The following COG5 variants were observed in gnomAD, a reference collection of about 807,000 sequenced individuals.
COG5 encodes the protein conserved oligomeric Golgi complex subunit 5.
Under a neutral mutation model 110.4 loss-of-function variants are expected in COG5, and 86 were observed. That is an observed-to-expected ratio of 0.78 (90% CI 0.65 to 0.93). The LOEUF (loss-of-function observed/expected upper bound fraction) is 0.93. Ranked by LOEUF, COG5 falls within the 40% of genes least tolerant of loss-of-function variation. The pLI is 0.00. For synonymous variants in COG5, 360 were observed against 334.6 expected (o/e 1.08, Z -0.83); for missense variants, 1,077 against 987.0 (o/e 1.09, Z -1.22).
At chr7:107,381,832 A>G (rs1304468466) in intron 7 of COG5, among the ~76,000 whole-genome samples, 2 of 152,178 alleles carry the variant, frequency 1.3e-5, no homozygotes, top group African/African-American at 4.8e-5. Context: ...GAGTCAAGGA[A>G]ACTTATTTTA....
chr7:107,542,988 G>T (rs1247141066), intron 5 of COG5, among the ~76,000 whole-genome samples: 1 of 148,960 alleles, frequency 6.7e-6, no homozygotes, highest in Non-Finnish European at 1.5e-5. Context: ...AAAAAAAAAG[G>T]GAAAAGCAAT....
rs746295764 is a variant in COG5, at chr7:107,298,302, A to G, written c.1153T>C (p.Leu385=). ...KQAFEGEYPK[L]LRLYNDLWKR... is the part of the protein sequence containing the mutation. The stretch of plus-strand genomic sequence containing the variant: ...CATAAGTCATTATAAAGACGTAATA[A>G]TTTAGGGTATTCTCCTTCAAATGCC... Residue 385 remains leucine, a synonymous_variant, in exon 12 of 22, where the codon TTA becomes CTA. Coordinates refer to ENST00000297135, the MANE Select transcript of COG5 (RefSeq NM_006348.5). The G allele has an allele frequency of 3.8e-5, 62 of 1,613,740 alleles. 1 individual carries two copies. Among genetic ancestry groups the G allele is most frequent in the South Asian group, 2.2e-4 (20 of 91,074 alleles).
At chr7:107,248,375 A>T (rs1257794321) in intron 17 of COG5, 21 bp downstream of exon 17, 2 of 1,452,650 alleles carry the variant, frequency 1.4e-6, no homozygotes, top group East Asian at 2.3e-5. Context: ...AGTTAGTAAA[A>T]ATTTGGTTAG....
At chr7:107,218,541 G>A (rs533446731) in intron 19 of COG5, among the ~76,000 whole-genome samples, 280 of 152,110 alleles carry the variant, frequency 1.8e-3, no homozygotes, top group African/African-American at 6.1e-3. Context: ...GCCCATAAAT[G>A]AACCCACACA....
At chr7:107,341,853 T>C (rs535688261) in intron 10 of COG5, among the ~76,000 whole-genome samples, 1 of 152,320 alleles carries the variant, frequency 6.6e-6, no homozygotes, top group East Asian at 1.9e-4. Flanking sequence ...ACTGGATCCC[T>C]ACCTTTTATT....
intron 8 of COG5, among the ~76,000 whole-genome samples, chr7:107,363,300 A>G (rs1813291406): frequency 6.6e-6 from 1 of 152,198 alleles, no homozygotes; most frequent in South Asian, 2.1e-4. Context: ...GAGCAGTGAA[A>G]ATACAAGGTG....
chr7:107,338,669 C>T (rs927923071), intron 10 of COG5, among the ~76,000 whole-genome samples: 1 of 151,996 alleles, frequency 6.6e-6, no homozygotes, highest in African/African-American at 2.4e-5. Flanking sequence ...GAGGAAACAA[C>T]AGAGAGTAAA....
chr7:107,414,691 T>C (rs1284180741), intron 6 of COG5, among the ~76,000 whole-genome samples: 2 of 133,428 alleles, frequency 1.5e-5, no homozygotes, highest in East Asian at 2.5e-4. Context: ...GATTCCAAAA[T>C]CCTCACTGTC....
intron 7 of COG5, among the ~76,000 whole-genome samples, chr7:107,402,056 A>T (rs1791472012): frequency 6.6e-6 from 1 of 152,098 alleles, no homozygotes; most frequent in Non-Finnish European, 1.5e-5. Flanking sequence ...ATAATATCAA[A>T]ATTTCTTACT....
At chr7:107,217,101 C>A (rs1237681578) in intron 19 of COG5, among the ~76,000 whole-genome samples, 1 of 151,938 alleles carries the variant, frequency 6.6e-6, no homozygotes. Flanking sequence ...ATCATATGGC[C>A]ACAAATCCAG....
intron 21 of COG5, chr7:107,208,587 T>G: frequency 2.0e-6 from 2 of 985,412 alleles, no homozygotes; most frequent in Non-Finnish European, 2.4e-6. Context: ...ATCCCTGTGT[T>G]AGCCCAGGCC....
intron 21 of COG5, among the ~76,000 whole-genome samples, chr7:107,206,075 C>T (rs1245757644): frequency 6.6e-6 from 1 of 152,086 alleles, no homozygotes; most frequent in Non-Finnish European, 1.5e-5. Context: ...ATTCTCCTGC[C>T]TCAGCCTCCC....
At chr7:107,348,249 T>C (rs1408772645) in intron 10 of COG5, among the ~76,000 whole-genome samples, 1 of 151,982 alleles carries the variant, frequency 6.6e-6, no homozygotes, top group Non-Finnish European at 1.5e-5. Context: ...TCAATATATA[T>C]TCCTGAGCAT....
chr7:107,499,023 T>C (rs1173755078), intron 6 of COG5, among the ~76,000 whole-genome samples: 3 of 152,224 alleles, frequency 2.0e-5, no homozygotes, highest in Non-Finnish European at 1.5e-5. Flanking sequence ...ATGGATATTA[T>C]GCTTAGTAAA....
intron 3 of COG5, among the ~76,000 whole-genome samples, chr7:107,551,967 T>C (rs946497935): frequency 6.6e-6 from 1 of 152,144 alleles, no homozygotes; most frequent in African/African-American, 2.4e-5. Flanking sequence ...CCTGAGATAA[T>C]CATAGGAAAA....
At chr7:107,293,058 T>C (rs1435342065) in intron 12 of COG5, among the ~76,000 whole-genome samples, 1 of 152,124 alleles carries the variant, frequency 6.6e-6, no homozygotes, top group Non-Finnish European at 1.5e-5. Flanking sequence ...AGCCCAACCC[T>C]CAGTTTGGTC....
chr7:107,416,901 T>C (rs952054335), intron 6 of COG5, among the ~76,000 whole-genome samples: 33 of 152,268 alleles, frequency 2.2e-4, no homozygotes, highest in African/African-American at 7.9e-4. Flanking sequence ...ATTAAAGATA[T>C]TTTAGAAGTC....
At chr7:107,504,737 T>A (rs567802137) in intron 6 of COG5, among the ~76,000 whole-genome samples, 2 of 152,214 alleles carry the variant, frequency 1.3e-5, no homozygotes, top group Admixed American at 1.3e-4. Flanking sequence ...GAGGGTTGTA[T>A]GTTTCCAGGA....
At chr7:107,484,574 T>C (rs1203178318) in intron 6 of COG5, among the ~76,000 whole-genome samples, 1 of 152,124 alleles carries the variant, frequency 6.6e-6, no homozygotes, top group Non-Finnish European at 1.5e-5. Context: ...CTTCTCAATG[T>C]TTTCCACAAC....
Sources: allele counts gnomAD v4.1 joint callset (sites outside exome capture counted in the v4.1 genomes callset), GRCh38; gene constraint gnomAD v4.1.1; transcripts MANE v1.5; gene names NCBI Gene and HGNC (gene_info 2026-07-23, HGNC 2026-07-21).